CYTH1: variants seen among roughly 807,000 people sequenced by gnomAD.
CYTH1 encodes cytohesin 1.
In CYTH1, 18 loss-of-function variants were observed where a neutral mutation model predicts 61.8. The ratio of observed to expected loss-of-function variants is 0.29; its 90% CI spans 0.20 to 0.43. The LOEUF is 0.43. Ranked by LOEUF, CYTH1 falls within the 20% of genes least tolerant of loss-of-function variation. The probability of loss-of-function intolerance (pLI) is 1.00; values close to 1 mark genes in which losing one functional copy is unlikely to be tolerated. For synonymous variants in CYTH1, 174 were observed against 184.3 expected (o/e 0.94, Z 0.45); for missense variants, 336 against 510.5 (o/e 0.66, Z 3.29).
intron 1 of CYTH1, among the ~76,000 whole-genome samples, 156 bp downstream of exon 1, chr17:78,782,046 C>A (rs1383355600): frequency 1.3e-5 from 2 of 151,152 alleles, no homozygotes; most frequent in East Asian, 2.0e-4. Context: ...CCCGCGAGGG[C>A]CCCGCGCACC....
chr17:78,745,130 AC>A (rs903600625), intron 1 of CYTH1, among the ~76,000 whole-genome samples: 2 of 152,026 alleles, frequency 1.3e-5, no homozygotes, highest in African/African-American at 4.8e-5. Context: ...CTCAGAGAGG[AC>A]CCTTGAGCCA....
intron 1 of CYTH1, among the ~76,000 whole-genome samples, chr17:78,748,028 CAAAAT>C (rs2093365953): frequency 6.6e-6 from 1 of 152,094 alleles, no homozygotes; most frequent in Non-Finnish European, 1.5e-5. Flanking sequence ...TTCAAAAAAA[CAAAAT>C]AAAATAAATT....
rs143836975 is a variant in CYTH1, at chr17:78,676,125, C to T, written c.1163G>A (p.Arg388Gln). The T allele has an allele frequency of 5.0e-6, 8 of 1,611,134 alleles. No homozygotes were observed. The highest frequency in any genetic ancestry group is 6.8e-6 in the Non-Finnish European group (8 of 1,178,952). ...RDPFYEMLAA[R>Q]KKKVSSTKRH is the part of the protein sequence containing the mutation. The stretch of plus-strand genomic sequence containing the variant: ...CTTCGTGGAGGAGACCTTCTTTTTC[C>T]GTGCTGCGAGCATTTCGTAGAAAGG... Residue 388 changes from arginine to glutamine, a missense_variant, in exon 14 of 14, where the codon CGG (arginine) becomes CAG (glutamine). Coordinates refer to ENST00000446868, the MANE Select transcript of CYTH1 (RefSeq NM_004762.6).
At chr17:78,676,215 C>A (rs201300967) in intron 13 of CYTH1, 46 bp from the exon 14 acceptor site, 106 of 1,559,348 alleles carry the variant, frequency 6.8e-5, no homozygotes, top group Non-Finnish European at 9.1e-5. Context: ...GGGACAGAAT[C>A]AGAAGAAACA....
At chr17:78,709,617 T>TA (rs768720618) in intron 2 of CYTH1, 33 bp downstream of exon 2, 9 of 1,609,694 alleles carry the variant, frequency 5.6e-6, no homozygotes, top group African/African-American at 5.3e-5. Context: ...CTGTGGTTCT[T>TA]ACGTTGGTGA....
chr17:78,741,512 A>C (rs1299199036), intron 1 of CYTH1, among the ~76,000 whole-genome samples: 1 of 152,202 alleles, frequency 6.6e-6, no homozygotes, highest in Non-Finnish European at 1.5e-5. Context: ...GGGAGTGTGC[A>C]GAAAGGTAAG....
intron 1 of CYTH1, among the ~76,000 whole-genome samples, chr17:78,765,003 G>A (rs574231832): frequency 2.6e-5 from 4 of 152,196 alleles, no homozygotes; most frequent in Non-Finnish European, 4.4e-5. Flanking sequence ...AAGCAAACAG[G>A]GGAAGTCTTG....
Position 78,751,441 on chromosome 17 carries a change from A to G in CYTH1, c.22+30761T>C, listed in dbSNP as rs149421444. Among the ~76,000 whole-genome samples, 278 of 151,808 alleles carry G rather than the reference A, an allele frequency of 1.8e-3. 1 individual carries two copies. Among genetic ancestry groups the G allele is most frequent in the African/African-American group, 6.6e-3 (271 of 41,362 alleles). The stretch of plus-strand genomic sequence containing the variant: ...CAGCATTATGATTAGGGGCTATTTT[A>G]AAGAGCAAGTCACCAGCAAAGGCAC... On this transcript the variant is annotated intron_variant, in intron 1 of 13. Coordinates refer to ENST00000446868, the MANE Select transcript of CYTH1 (RefSeq NM_004762.6).
chr17:78,777,900 C>G (rs1341094272), intron 1 of CYTH1, among the ~76,000 whole-genome samples: 1 of 151,684 alleles, frequency 6.6e-6, no homozygotes, highest in Non-Finnish European at 1.5e-5. Flanking sequence ...AAAACGTTAC[C>G]AACTTACGCA....
At chr17:78,771,201 TAA>T (rs1167054210) in intron 1 of CYTH1, among the ~76,000 whole-genome samples, 1 of 151,824 alleles carries the variant, frequency 6.6e-6, no homozygotes, top group Non-Finnish European at 1.5e-5. Flanking sequence ...AGGCAGAGGT[TAA>T]GAGAGCTGAG....
chr17:78,718,153 C>T (rs377014466), intron 1 of CYTH1, among the ~76,000 whole-genome samples: 42 of 151,606 alleles, frequency 2.8e-4, no homozygotes, highest in East Asian at 2.1e-3. Context: ...CTGCTGCCAA[C>T]GGGTGCCCTC....
chr17:78,761,716 G>T (rs568728903), intron 1 of CYTH1, among the ~76,000 whole-genome samples: 2 of 151,928 alleles, frequency 1.3e-5, no homozygotes, highest in African/African-American at 4.8e-5. Flanking sequence ...CCAGCCTGGG[G>T]GACAGAGCGA....
intron 1 of CYTH1, among the ~76,000 whole-genome samples, chr17:78,766,883 G>A (rs979628695): frequency 6.6e-6 from 1 of 152,194 alleles, no homozygotes; most frequent in Non-Finnish European, 1.5e-5. Context: ...CCTGTGCATG[G>A]AGCCTGAGAA....
At chr17:78,719,805 A>G (rs2093212868) in intron 1 of CYTH1, among the ~76,000 whole-genome samples, 1 of 152,228 alleles carries the variant, frequency 6.6e-6, no homozygotes, top group African/African-American at 2.4e-5. Context: ...CCCAGGTGAC[A>G]CTTTCTGCCA....
At chr17:78,723,006 G>A (rs186717971) in intron 1 of CYTH1, among the ~76,000 whole-genome samples, 301 of 152,296 alleles carry the variant, frequency 2.0e-3, no homozygotes, top group Non-Finnish European at 3.2e-3. Flanking sequence ...AAACGACACT[G>A]AATGCCTGGA....
At chr17:78,718,218 T>TATAC (rs1359085254) in intron 1 of CYTH1, among the ~76,000 whole-genome samples, 125 of 128,394 alleles carry the variant, frequency 9.7e-4, no homozygotes, top group African/African-American at 3.5e-3. Context: ...AAACACTGAA[T>TATAC]ACACACACAC....
At chr17:78,703,802 G>C (rs1567845208) in intron 3 of CYTH1, among the ~76,000 whole-genome samples, 1 of 152,262 alleles carries the variant, frequency 6.6e-6, no homozygotes, top group East Asian at 1.9e-4. Context: ...CCATGGTATG[G>C]ATAAACCACA....
chr17:78,702,154 G>A lies in CYTH1; in HGVS notation c.324C>T (p.Asn108=). ...CTAGGTAGTCGCCGATGGCTGTCTTGTTGAGCCCTTCGCCTTTATATAAGA... is the reference window on the plus strand; with the variant it reads ...CTAGGTAGTCGCCGATGGCTGTCTTATTGAGCCCTTCGCCTTTATATAAGA... The part of the protein sequence containing the change: ...AQFLYKGEGL[N]KTAIGDYLGE... Residue 108 remains asparagine (N), a synonymous_variant, in exon 5 of 14, where the codon AAC becomes AAT. Coordinates refer to ENST00000446868, the MANE Select transcript of CYTH1 (RefSeq NM_004762.6). 1 of 1,614,156 alleles carries A rather than the reference G, an allele frequency of 6.2e-7. No homozygotes were observed.
intron 1 of CYTH1, among the ~76,000 whole-genome samples, chr17:78,765,623 T>C (rs2093445320): frequency 6.6e-6 from 1 of 152,192 alleles, no homozygotes; most frequent in Non-Finnish European, 1.5e-5. Context: ...TCTGACTCTA[T>C]TTTATTGTCA....
Sources: allele counts gnomAD v4.1 joint callset (sites outside exome capture counted in the v4.1 genomes callset), GRCh38; gene constraint gnomAD v4.1.1; transcripts MANE v1.5; gene names NCBI Gene and HGNC (gene_info 2026-07-23, HGNC 2026-07-21).